The following IMMP2L variants were observed in gnomAD, a reference collection of about 807,000 sequenced individuals.
IMMP2L encodes the protein mitochondrial inner membrane protease subunit 2.
In IMMP2L, 18 loss-of-function variants were observed where a neutral mutation model predicts 19.3. That is an observed-to-expected ratio of 0.93 (90% CI 0.64 to 1.38). The LOEUF (loss-of-function observed/expected upper bound fraction) is 1.38, where lower values mean the gene tolerates loss of function less well. Among genes scored for constraint, IMMP2L ranks in the 40% most tolerant of loss-of-function variants. IMMP2L has a pLI of 0.00. For synonymous variants in IMMP2L, 76 were observed against 73.0 expected, an observed-to-expected ratio of 1.04 and a Z score of -0.21; for missense variants, 233 against 218.2, an observed-to-expected ratio of 1.07 and a Z score of -0.43.
chr7:111,097,925 T>C (rs1435347882), intron 3 of IMMP2L, among the ~76,000 whole-genome samples: 1 of 151,806 alleles, frequency 6.6e-6, no homozygotes, highest in Non-Finnish European at 1.5e-5. Context: ...GACCTTAAAC[T>C]GCAGGTGCCC....
intron 3 of IMMP2L, among the ~76,000 whole-genome samples, chr7:111,308,737 GA>G (rs754514620): frequency 2.0e-5 from 3 of 151,688 alleles, no homozygotes; most frequent in Admixed American, 1.3e-4. Flanking sequence ...AATTTTGGGG[GA>G]AAAAAAGATG....
chr7:110,829,194 A>G (rs1204201626), intron 5 of IMMP2L, among the ~76,000 whole-genome samples: 1 of 152,190 alleles, frequency 6.6e-6, no homozygotes, highest in Admixed American at 6.5e-5. Flanking sequence ...AAACAACATA[A>G]AATGGGGAGG....
At chr7:111,193,455 A>G (rs912783676) in intron 3 of IMMP2L, among the ~76,000 whole-genome samples, 2 of 152,208 alleles carry the variant, frequency 1.3e-5, no homozygotes, top group African/African-American at 2.4e-5. Context: ...TGATTTAAAA[A>G]GAAAGACCCA....
chr7:111,463,572 T>C lies in IMMP2L; in HGVS notation c.239+23666A>G, dbSNP rs150248832. Among the ~76,000 whole-genome samples the C allele has an allele frequency of 2.6e-5, 4 of 152,256 alleles. No homozygotes were observed. In the East Asian group the frequency reaches 7.7e-4, roughly 29 times the overall value. ...GGCCACTTTTTTGGTAGCAACTACATTCAGCTATCCACAGTCCTATTTCCC... is the reference window on the plus strand; with the variant it reads ...GGCCACTTTTTTGGTAGCAACTACACTCAGCTATCCACAGTCCTATTTCCC... On this transcript the variant is annotated intron_variant, in intron 3 of 5. Coordinates refer to ENST00000405709, the MANE Select transcript of IMMP2L (RefSeq NM_032549.4).
At chr7:110,817,466 T>C (rs1422137346) in intron 5 of IMMP2L, among the ~76,000 whole-genome samples, 2 of 151,976 alleles carry the variant, frequency 1.3e-5, no homozygotes, top group Admixed American at 6.6e-5. Flanking sequence ...TAAAAGAGGA[T>C]ACAAACACAT....
intron 1 of IMMP2L, among the ~76,000 whole-genome samples, chr7:111,542,453 C>T (rs1256695440): frequency 6.6e-6 from 1 of 152,190 alleles, no homozygotes; most frequent in Non-Finnish European, 1.5e-5. Flanking sequence ...TAAACCGATG[C>T]TCAGAGTGCT....
chr7:110,774,086 T>C (rs1183037674), intron 5 of IMMP2L, among the ~76,000 whole-genome samples: 1 of 152,052 alleles, frequency 6.6e-6, no homozygotes, highest in Non-Finnish European at 1.5e-5. Context: ...GCTGAAAAAC[T>C]TTATAAGGGT....
At position 111,236,903 on chromosome 7, in the gene IMMP2L, C is replaced by T. The variant is rs918670189; in HGVS notation, c.239+250335G>A. On this transcript the variant is annotated intron_variant, in intron 3 of 5. Transcript: ENST00000405709. ...TAATGTCTGAAGACTCCCTTTCATACGGTGTATCTGGTCTTTTTTGTTTGT... is the reference window on the plus strand; with the variant it reads ...TAATGTCTGAAGACTCCCTTTCATATGGTGTATCTGGTCTTTTTTGTTTGT... 7.2e-5 allele frequency among the ~76,000 whole-genome samples: 11 copies of T among 152,266 alleles called. No homozygotes were observed. In the South Asian group the frequency reaches 1.0e-3, roughly 14 times the overall value.
intron 1 of IMMP2L, among the ~76,000 whole-genome samples, chr7:111,527,226 C>G (rs1370871843): frequency 6.6e-6 from 1 of 152,028 alleles, no homozygotes; most frequent in African/African-American, 2.4e-5. Context: ...CGAGGCCAGC[C>G]TGAGCAACAC....
At position 111,157,199 on chromosome 7, in the gene IMMP2L, A is replaced by T. The variant is rs114017211; in HGVS notation, c.240-193634T>A. On this transcript the variant is annotated intron_variant, in intron 3 of 5. Coordinates refer to ENST00000405709, the MANE Select transcript of IMMP2L (RefSeq NM_032549.4). The stretch of plus-strand genomic sequence containing the variant: ...TCATAAAACTAAAAATAGAACTACC[A>T]TATGATCCAGTACTCCCACTGCTGG... Among the ~76,000 whole-genome samples, 812 of 152,218 alleles carry T rather than the reference A, an allele frequency of 5.3e-3. 15 individuals are homozygous for T. The highest frequency in any genetic ancestry group is 0.019 in the African/African-American group (779 of 41,544).
At chr7:110,673,817 C>T (rs569314524) in intron 5 of IMMP2L, among the ~76,000 whole-genome samples, 1 of 152,312 alleles carries the variant, frequency 6.6e-6, no homozygotes, top group South Asian at 2.1e-4. Flanking sequence ...TTAAACAAGT[C>T]TCTAGGAAGT....
At chr7:110,808,020 A>G (rs192459275) in intron 5 of IMMP2L, among the ~76,000 whole-genome samples, 2 of 151,910 alleles carry the variant, frequency 1.3e-5, no homozygotes, top group Non-Finnish European at 2.9e-5. Context: ...TCAAAGTTTT[A>G]AAATTTTACC....
chr7:111,330,816 T>C (rs114420827), intron 3 of IMMP2L, among the ~76,000 whole-genome samples: 3,821 of 151,898 alleles, frequency 0.025, 180 homozygotes, highest in African/African-American at 0.087. Context: ...CCAGCAGACA[T>C]ATGAAAAAAT....
At chr7:111,024,636 G>T (rs915965909) in intron 3 of IMMP2L, among the ~76,000 whole-genome samples, 1 of 152,092 alleles carries the variant, frequency 6.6e-6, no homozygotes, top group Non-Finnish European at 1.5e-5. Context: ...TATTGTTGTT[G>T]TTGCTTTTGT....
chr7:111,232,870 T>C (rs1411373170), intron 3 of IMMP2L, among the ~76,000 whole-genome samples: 1 of 152,094 alleles, frequency 6.6e-6, no homozygotes, highest in Admixed American at 6.6e-5. Context: ...ATTTACCCAT[T>C]CTCTGTGTCT....
Position 111,236,705 on chromosome 7 carries a change from C to T in IMMP2L, c.239+250533G>A, listed in dbSNP as rs866946384. Among the ~76,000 whole-genome samples the T allele has an allele frequency of 5.3e-5, 8 of 152,086 alleles. No homozygotes were observed. The South Asian group carries it at 1.7e-3, about 32-fold the overall frequency. On this transcript the variant is annotated intron_variant, in intron 3 of 5. Coordinates refer to ENST00000405709, the MANE Select transcript of IMMP2L (RefSeq NM_032549.4). ...CTGCAAACTCTAGCCACCTGGACTT[C>T]CCCAGACTCCCAACTCTGTCTCGTC...
chr7:111,322,889 C>A (rs113553716), intron 3 of IMMP2L, among the ~76,000 whole-genome samples: 1 of 151,624 alleles, frequency 6.6e-6, no homozygotes, highest in Admixed American at 6.6e-5. Context: ...TCAAAGCCTA[C>A]GTCTCCCAGC....
At chr7:111,060,039 A>G (rs1793878203) in intron 3 of IMMP2L, among the ~76,000 whole-genome samples, 1 of 152,192 alleles carries the variant, frequency 6.6e-6, no homozygotes, top group Non-Finnish European at 1.5e-5. Context: ...CATTTCTTTC[A>G]GTGTCTAGAA....
intron 3 of IMMP2L, among the ~76,000 whole-genome samples, chr7:111,169,612 T>C (rs1216869576): frequency 5.3e-5 from 8 of 151,828 alleles, no homozygotes; most frequent in Non-Finnish European, 1.2e-4. Context: ...AATCTTCCCA[T>C]AGCATTTGCC....
Sources: gnomAD v4.1 joint callset for allele counts (sites outside exome capture counted in the v4.1 genomes callset) on GRCh38, gnomAD v4.1.1 for gene constraint, MANE v1.5 for transcripts, NCBI Gene and HGNC (gene_info 2026-07-23, HGNC 2026-07-21) for gene names.